ZDHHC15: variants seen among roughly 807,000 people sequenced by gnomAD.
ZDHHC15 encodes palmitoyltransferase ZDHHC15.
Under a neutral mutation model 31.7 loss-of-function variants are expected in ZDHHC15, and 19 were observed. The observed-to-expected ratio is 0.60, with a 90% CI of 0.42 to 0.88. The LOEUF is 0.88. Among genes scored for constraint, ZDHHC15 ranks in the 40% least tolerant of loss-of-function variants. The probability of loss-of-function intolerance (pLI) is 0.00; values close to 1 mark genes in which losing one functional copy is unlikely to be tolerated. For synonymous variants in ZDHHC15, 103 were observed against 90.0 expected (o/e 1.14, Z -0.82); for missense variants, 209 against 251.2 (o/e 0.83, Z 1.14).
intron 3 of ZDHHC15, 27 bp downstream of exon 3, chrX:75,478,863 TC>T: frequency 9.1e-7 from 1 of 1,101,454 alleles, no homozygotes; most frequent in Non-Finnish European, 1.2e-6. Flanking sequence ...TCTGTTCTTA[TC>T]CTTTAAGAAG....
chrX:75,455,667 G>GA (rs1429490169), intron 3 of ZDHHC15, among the ~76,000 whole-genome samples: 2 of 111,647 alleles, frequency 1.8e-5, no homozygotes, highest in Admixed American at 9.6e-5. Context: ...AAATTTACAA[G>GA]AAAAAATCAA....
At chrX:75,463,627 C>T (rs937461191) in intron 3 of ZDHHC15, among the ~76,000 whole-genome samples, 6 of 105,314 alleles carry the variant, frequency 5.7e-5, no homozygotes, top group African/African-American at 1.7e-4. Context: ...AAAAGGTGGG[C>T]GAAGGATATG....
chrX:75,409,288 T>A (rs997094404), intron 10 of ZDHHC15, among the ~76,000 whole-genome samples: 4 of 108,541 alleles, frequency 3.7e-5, no homozygotes, highest in Non-Finnish European at 7.6e-5. Flanking sequence ...GGCCGGGAGT[T>A]TGAGACCAGC....
chrX:75,386,167 A>G (rs1428622493), intron 10 of ZDHHC15, among the ~76,000 whole-genome samples: 2 of 111,672 alleles, frequency 1.8e-5, no homozygotes, highest in Non-Finnish European at 3.8e-5. Flanking sequence ...TATCCAAATA[A>G]CAAAAGAGGA....
At chrX:75,455,259 A>C (rs1053500251) in intron 3 of ZDHHC15, among the ~76,000 whole-genome samples, 2 of 111,715 alleles carry the variant, frequency 1.8e-5, no homozygotes, top group Admixed American at 1.9e-4. Context: ...CAAAAACAAG[A>C]AATGGGGAAA....
intron 4 of ZDHHC15, among the ~76,000 whole-genome samples, chrX:75,442,495 C>G (rs2083956821): frequency 1.8e-5 from 2 of 111,670 alleles, no homozygotes; most frequent in South Asian, 7.6e-4. Context: ...CACAAGCATT[C>G]TAATACACCA....
intron 3 of ZDHHC15, among the ~76,000 whole-genome samples, chrX:75,470,011 G>A (rs1353849554): frequency 9.0e-6 from 1 of 111,297 alleles, no homozygotes; most frequent in South Asian, 3.8e-4. Flanking sequence ...CTTTTCATGT[G>A]CTTCTTTGTG....
At chrX:75,376,401 T>C (rs1449911047) in intron 11 of ZDHHC15, among the ~76,000 whole-genome samples, 1 of 111,362 alleles carries the variant, frequency 9.0e-6, no homozygotes, top group Admixed American at 9.6e-5. Context: ...AGCTCTTTAG[T>C]TTAATTAGAT....
At chrX:75,478,180 GT>G (rs2084635837) in intron 3 of ZDHHC15, among the ~76,000 whole-genome samples, 1 of 111,867 alleles carries the variant, frequency 8.9e-6, no homozygotes, top group Non-Finnish European at 1.9e-5. Flanking sequence ...AGGTAACACA[GT>G]CTGAAAATGA....
intron 9 of ZDHHC15, among the ~76,000 whole-genome samples, chrX:75,419,432 G>T (rs1402057372): frequency 9.0e-6 from 1 of 111,216 alleles, no homozygotes; most frequent in Non-Finnish European, 1.9e-5. Context: ...TGGCGATCAT[G>T]AAAAAGTCAG....
At chrX:75,482,793 T>A (rs2084711451) in intron 2 of ZDHHC15, among the ~76,000 whole-genome samples, 1 of 110,545 alleles carries the variant, frequency 9.0e-6, no homozygotes, top group African/African-American at 3.3e-5. Flanking sequence ...TCAGATTTTG[T>A]TTGTTCCATG....
chrX:75,502,587 G>A (rs964542218), intron 2 of ZDHHC15, among the ~76,000 whole-genome samples: 3 of 111,587 alleles, frequency 2.7e-5, no homozygotes, highest in African/African-American at 9.7e-5. Context: ...CCTTTTTGCA[G>A]AAGAGCAACT....
intron 2 of ZDHHC15, among the ~76,000 whole-genome samples, chrX:75,494,634 C>T (rs2084959236): frequency 8.9e-6 from 1 of 111,892 alleles, no homozygotes; most frequent in African/African-American, 3.3e-5. Context: ...TGCCGCTTAT[C>T]TACAACCATC....
intron 3 of ZDHHC15, among the ~76,000 whole-genome samples, chrX:75,466,643 T>G (rs746614094): frequency 2.7e-5 from 3 of 110,973 alleles, no homozygotes; most frequent in Non-Finnish European, 5.7e-5. Flanking sequence ...GAAATCAACC[T>G]AAATGTCCAT....
chrX:75,495,465 T>G (rs759110129), intron 2 of ZDHHC15, among the ~76,000 whole-genome samples: 1 of 110,841 alleles, frequency 9.0e-6, no homozygotes, highest in Admixed American at 9.7e-5. Flanking sequence ...CATGCTGCTA[T>G]AAAGACACAT....
At chrX:75,467,867 C>T (rs939668909) in intron 3 of ZDHHC15, among the ~76,000 whole-genome samples, 1 of 110,850 alleles carries the variant, frequency 9.0e-6, no homozygotes, top group Non-Finnish European at 1.9e-5. Context: ...AGTTTCATCT[C>T]CCCAAAAGGA....
intron 1 of ZDHHC15, among the ~76,000 whole-genome samples, chrX:75,518,834 CACACACA>C (rs2085405128): frequency 1.1e-5 from 1 of 94,827 alleles, no homozygotes; most frequent in Non-Finnish European, 2.1e-5. Flanking sequence ...CACACACACA[CACACACA>C]CACACAATAG....
At chrX:75,505,661 T>C (rs1311126750) in intron 2 of ZDHHC15, among the ~76,000 whole-genome samples, 160 bp downstream of exon 2, 1 of 111,535 alleles carries the variant, frequency 9.0e-6, no homozygotes, top group Non-Finnish European at 1.9e-5. Context: ...TGTTTTTCTC[T>C]ATCTCTGTGT....
At chrX:75,499,188 T>C (rs2085053987) in intron 2 of ZDHHC15, among the ~76,000 whole-genome samples, 1 of 110,191 alleles carries the variant, frequency 9.1e-6, no homozygotes, top group Non-Finnish European at 1.9e-5. Flanking sequence ...TTCCAGAAAA[T>C]AACATGGGGA....
Sources: gnomAD v4.1 joint callset for allele counts (sites outside exome capture counted in the v4.1 genomes callset) on GRCh38, gnomAD v4.1.1 for gene constraint, MANE v1.5 for transcripts, NCBI Gene and HGNC (gene_info 2026-07-23, HGNC 2026-07-21) for gene names.